Variants in LTBP1 observed in about 807,000 individuals in gnomAD.
The protein encoded by LTBP1 is latent transforming growth factor beta binding protein 1.
A neutral mutation model predicts 207.6 loss-of-function variants in LTBP1; 129 were observed. The ratio of observed to expected loss-of-function variants is 0.62; its 90% CI spans 0.54 to 0.72. The LOEUF (loss-of-function observed/expected upper bound fraction) is 0.72, where lower values mean the gene tolerates loss of function less well. Ranked by LOEUF, LTBP1 falls within the 30% of genes least tolerant of loss-of-function variation. LTBP1 has a pLI of 0.00. For missense variants in LTBP1, 2,281 were observed against 2,217.2 expected (o/e 1.03, Z -0.58); for synonymous variants, 963 against 833.7 (o/e 1.16, Z -2.67).
intron 6 of LTBP1, 45 bp downstream of exon 6, chr2:33,187,125 T>A (rs1271081109): frequency 6.5e-7 from 1 of 1,549,028 alleles, no homozygotes; most frequent in East Asian, 2.3e-5. Flanking sequence ...TCTGTTAACC[T>A]GCCAAACCCA....
At chr2:33,345,554 TC>T (rs762987887) in intron 25 of LTBP1, among the ~76,000 whole-genome samples, 3 of 152,262 alleles carry the variant, frequency 2.0e-5, no homozygotes, top group Non-Finnish European at 2.9e-5. Flanking sequence ...GTTTTTCTGG[TC>T]TCAATATGAC....
In LTBP1 at chr2:33,053,492, C is replaced by T. The variant is rs778722358; in HGVS notation, c.863+32286C>T. 4.0e-5 allele frequency among the ~76,000 whole-genome samples: 6 copies of T among 151,896 alleles called. No individual in the cohort carries two copies. In the South Asian group the frequency reaches 6.3e-4, roughly 16 times the overall value. On this transcript the variant is annotated intron_variant, in intron 3 of 33. Transcript: ENST00000404816. Reference sequence around the variant, plus strand: ...AAGGTGACAGCGTGCTGGCAGCCCTCGCAGCCCTCGCTCGCTCTCGGTGCT... The same window carrying T: ...AAGGTGACAGCGTGCTGGCAGCCCTTGCAGCCCTCGCTCGCTCTCGGTGCT...
intron 5 of LTBP1, among the ~76,000 whole-genome samples, chr2:33,183,346 G>T (rs953992113): frequency 1.3e-5 from 2 of 152,228 alleles, no homozygotes; most frequent in African/African-American, 4.8e-5. Context: ...GGAGATGGCA[G>T]AACTACCTGC....
intron 11 of LTBP1, among the ~76,000 whole-genome samples, chr2:33,254,863 T>G (rs868234482): frequency 1.2e-4 from 13 of 107,358 alleles, no homozygotes; most frequent in Non-Finnish European, 1.8e-4. Context: ...TTTTTTTTTT[T>G]TTTTTTTTTT....
At chr2:33,397,777 C>T (rs537478120) in intron 33 of LTBP1, among the ~76,000 whole-genome samples, 1 of 151,926 alleles carries the variant, frequency 6.6e-6, no homozygotes, top group Admixed American at 6.5e-5. Flanking sequence ...CCACCTTGGC[C>T]TCCCAAAGTG....
At chr2:33,330,828 A>G (rs1241284038) in intron 24 of LTBP1, among the ~76,000 whole-genome samples, 1 of 151,564 alleles carries the variant, frequency 6.6e-6, no homozygotes, top group Admixed American at 6.6e-5. Context: ...AAAAAAAAAA[A>G]AAATCCTTGA....
chr2:33,116,324 T>C lies in LTBP1; in HGVS notation c.1033+5573T>C, dbSNP rs375262880. ...TCTCAAGATGGGCTTAGGTTTTAAA[T>C]AGGTTACTTATATTTCAAAGTCATC... On this transcript the variant is annotated intron_variant, in intron 4 of 33. Coordinates refer to ENST00000404816, the MANE Select transcript of LTBP1 (RefSeq NM_206943.4). Among the ~76,000 whole-genome samples the C allele has an allele frequency of 4.1e-4, 63 of 152,362 alleles. 1 individual carries two copies. In the South Asian group the frequency reaches 0.013, roughly 31 times the overall value.
chr2:33,394,817 A>C (rs1427175601), intron 32 of LTBP1, among the ~76,000 whole-genome samples: 1 of 152,174 alleles, frequency 6.6e-6, no homozygotes, highest in East Asian at 1.9e-4. Context: ...TGAACTTTAA[A>C]GTAGTTTTTT....
chr2:33,012,370 G>T (rs1481959815), intron 2 of LTBP1, among the ~76,000 whole-genome samples: 1 of 152,348 alleles, frequency 6.6e-6, no homozygotes. Context: ...GGGCAAGGAG[G>T]TGTGTAGTCA....
chr2:33,385,011 C>A (rs2095253802), intron 31 of LTBP1, among the ~76,000 whole-genome samples: 1 of 152,206 alleles, frequency 6.6e-6, no homozygotes, highest in Non-Finnish European at 1.5e-5. Flanking sequence ...CTTCTGTTAA[C>A]TTATTCTCTA....
chr2:33,398,285 C>A (rs2095378236), intron 33 of LTBP1, 79 bp from the exon 34 acceptor site: 1 of 1,350,998 alleles, frequency 7.4e-7, no homozygotes. Flanking sequence ...GGGGGAAGGG[C>A]CTCAGGTAAG....
At chr2:32,965,325 C>T (rs1287344569) in intron 2 of LTBP1, among the ~76,000 whole-genome samples, 3 of 152,172 alleles carry the variant, frequency 2.0e-5, no homozygotes, top group East Asian at 3.9e-4. Flanking sequence ...AATCGATGAA[C>T]CCCTATATTA....
chr2:33,062,315 G>A (rs72793715), intron 3 of LTBP1, among the ~76,000 whole-genome samples: 14,768 of 151,788 alleles, frequency 0.097, 943 homozygotes, highest in Non-Finnish European at 0.14. Flanking sequence ...ATTTTGTTGA[G>A]GTCTGATTTT....
chr2:33,225,130 T>G (rs1380456025), intron 9 of LTBP1, among the ~76,000 whole-genome samples: 1 of 152,180 alleles, frequency 6.6e-6, no homozygotes, highest in Non-Finnish European at 1.5e-5. Context: ...TTCCTTTTAT[T>G]TTTTATCAGC....
intron 5 of LTBP1, among the ~76,000 whole-genome samples, chr2:33,183,506 G>T (rs1040427061): frequency 9.9e-5 from 15 of 152,204 alleles, no homozygotes; most frequent in African/African-American, 2.9e-4. Flanking sequence ...AGTGAAGTTT[G>T]TATTTGATGC....
At position 33,163,778 on chromosome 2, in the gene LTBP1, T is replaced by C. The variant is rs981951105; in HGVS notation, c.1202-23078T>C. ...GTTTGGGGGAGAAAAAGAAAATAAA[T>C]TAACCTACGTCAAAATCATTGATTT... is the stretch of plus-strand genomic sequence containing the variant. On this transcript the variant is annotated intron_variant, in intron 5 of 33. Transcript: ENST00000404816. 2.0e-5 allele frequency among the ~76,000 whole-genome samples: 3 copies of C among 152,120 alleles called. No individual in the cohort carries two copies. The East Asian group carries it at 5.8e-4, about 29-fold the overall frequency.
At chr2:33,063,294 C>T (rs1272883871) in intron 3 of LTBP1, among the ~76,000 whole-genome samples, 5 of 151,914 alleles carry the variant, frequency 3.3e-5, no homozygotes, top group Non-Finnish European at 7.4e-5. Context: ...AAACTATTTT[C>T]ATAATAATAC....
intron 3 of LTBP1, among the ~76,000 whole-genome samples, chr2:33,054,795 G>A (rs114336005): frequency 0.097 from 14,749 of 152,208 alleles, 953 homozygotes; most frequent in Non-Finnish European, 0.14. Flanking sequence ...TGAGGGTGAT[G>A]ACATGAGCCG....
At chr2:33,154,727 T>C (rs78519356) in intron 5 of LTBP1, among the ~76,000 whole-genome samples, 2,520 of 152,312 alleles carry the variant, frequency 0.017, 25 homozygotes, top group East Asian at 0.027. Context: ...AGGTTATGTG[T>C]TTATTTAATT....
Sources: gnomAD v4.1 joint callset for allele counts (sites outside exome capture counted in the v4.1 genomes callset) on GRCh38, gnomAD v4.1.1 for gene constraint, MANE v1.5 for transcripts, NCBI Gene and HGNC (gene_info 2026-07-23, HGNC 2026-07-21) for gene names.